Variants in LBH observed in about 807,000 individuals in gnomAD.
LBH encodes the protein protein LBH.
In LBH, 7 loss-of-function variants were observed where a neutral mutation model predicts 12.5. The ratio of observed to expected loss-of-function variants is 0.56; its 90% confidence interval spans 0.32 to 1.05. The LOEUF (loss-of-function observed/expected upper bound fraction) is 1.05, where lower values mean the gene tolerates loss of function less well. LBH is among the 50% of genes least tolerant of loss of function. LBH has a pLI of 0.04. For missense variants in LBH, 119 were observed against 138.9 expected (o/e 0.86, Z 0.72); for synonymous variants, 51 against 50.1 (o/e 1.02, Z -0.08).
At chr2:30,243,262 A>G (rs1274320782) in intron 2 of LBH, among the ~76,000 whole-genome samples, 1 of 152,232 alleles carries the variant, frequency 6.6e-6, no homozygotes, top group Non-Finnish European at 1.5e-5. Flanking sequence ...CCTAGTAGGT[A>G]CACTGACACC....
In LBH at chr2:30,259,716, G is replaced by T. The variant is rs569689135; in HGVS notation, c.*2095G>T. Reference sequence around the variant, plus strand: ...GTATGACCGTTTGCAGTCTGAGCAGGCCAGGGGCTGACAGCTAATGTCAGG... The same window carrying T: ...GTATGACCGTTTGCAGTCTGAGCAGTCCAGGGGCTGACAGCTAATGTCAGG... On this transcript the variant is annotated 3_prime_UTR_variant, in exon 3 of 3. Transcript: ENST00000395323. The T allele has an allele frequency of 6.5e-6, 1 of 152,700 alleles. No homozygotes were observed. Among genetic ancestry groups the T allele is most frequent in the South Asian group, 2.1e-4 (1 of 4,818 alleles). 9.5% of individuals were successfully genotyped at this position (152,700 alleles called of 1,614,324 possible).
At chr2:30,250,054 G>A (rs543445202) in intron 2 of LBH, among the ~76,000 whole-genome samples, 3 of 152,260 alleles carry the variant, frequency 2.0e-5, no homozygotes, top group Admixed American at 6.5e-5. Context: ...ATAAAATGAC[G>A]TGACCAGGGT....
intron 2 of LBH, among the ~76,000 whole-genome samples, chr2:30,238,219 G>A (rs751990048): frequency 2.3e-4 from 35 of 152,180 alleles, no homozygotes; most frequent in Non-Finnish European, 3.7e-4. Context: ...TCCACCCAAC[G>A]GCACTGGGAC....
chr2:30,245,565 C>G (rs1338950123), intron 2 of LBH, among the ~76,000 whole-genome samples: 1 of 152,134 alleles, frequency 6.6e-6, no homozygotes, highest in South Asian at 2.1e-4. Context: ...CATCGGGTTA[C>G]CTAGATATTC....
chr2:30,234,213 G>C (rs542345882), intron 1 of LBH, 192 bp from the exon 2 acceptor site: 1 of 575,788 alleles, frequency 1.7e-6, no homozygotes, highest in Non-Finnish European at 3.1e-6. Context: ...TGTCTGTTGC[G>C]GCTGAGCCCT....
chr2:30,252,674 AAC>A (rs1678004708), intron 2 of LBH, among the ~76,000 whole-genome samples: 1 of 152,194 alleles, frequency 6.6e-6, no homozygotes, highest in South Asian at 2.1e-4. Context: ...AAAAAAAAAA[AAC>A]CTCTTTCCTT....
intron 2 of LBH, among the ~76,000 whole-genome samples, chr2:30,235,877 G>A (rs1677679179): frequency 6.6e-6 from 1 of 152,106 alleles, no homozygotes; most frequent in South Asian, 2.1e-4. Context: ...GTAGCCATTA[G>A]CTTGAAGGGG....
In LBH at chr2:30,258,496, C is replaced by G. The variant is rs1678125492; in HGVS notation, c.*875C>G. On this transcript the variant is annotated 3_prime_UTR_variant, in exon 3 of 3. Coordinates refer to ENST00000395323, the MANE Select transcript of LBH (RefSeq NM_030915.4). ...GTGGACACTCAGCACGAAGGTCTCT[C>G]CCTTAACTGCTGCCCTTCCAAGACT... is the stretch of plus-strand genomic sequence containing the variant. The G allele has an allele frequency of 6.6e-6, 1 of 152,438 alleles. No homozygotes were observed. The allele number at this position is 152,438 out of a possible 1,614,324, so 9.4% of individuals were successfully genotyped here.
At chr2:30,250,609 G>A (rs947548986) in intron 2 of LBH, among the ~76,000 whole-genome samples, 1 of 151,756 alleles carries the variant, frequency 6.6e-6, no homozygotes, top group African/African-American at 2.4e-5. Flanking sequence ...GGGGCAGCCA[G>A]GTTTAGGTCA....
rs1471611577 is a variant in LBH, at chr2:30,231,766, T to A, written c.26+2T>A. 1 of 1,568,946 alleles carries A rather than the reference T, an allele frequency of 6.4e-7. No homozygotes were observed. Among genetic ancestry groups the A allele is most frequent in the Non-Finnish European group, 8.6e-7 (1 of 1,159,496 alleles). On this transcript the variant is annotated splice_donor_variant, in intron 1 of 2. Coordinates refer to ENST00000395323, the MANE Select transcript of LBH (RefSeq NM_030915.4). LOFTEE classifies it high-confidence loss of function. ...GTCTATATATTTCCCCATTCACTGG[T>A]GAGTACCCTGCGCCTGCGGCGGGCG...
At chr2:30,256,438 T>C (rs1678086746) in intron 2 of LBH, 2 of 152,222 alleles carry the variant, frequency 1.3e-5, no homozygotes, top group African/African-American at 4.8e-5. Flanking sequence ...GCTTTGACTT[T>C]ACAGTTGCAA....
intron 2 of LBH, among the ~76,000 whole-genome samples, chr2:30,244,632 T>C (rs1677843647): frequency 6.6e-6 from 1 of 152,188 alleles, no homozygotes; most frequent in Admixed American, 6.5e-5. Flanking sequence ...GCTGGACGCG[T>C]GGCTCACACC....
Position 30,231,547 on chromosome 2 carries a change from T to G in LBH, c.-192T>G. On this transcript the variant is annotated 5_prime_UTR_variant, in exon 1 of 3. Coordinates refer to ENST00000395323, the MANE Select transcript of LBH (RefSeq NM_030915.4). ...GCTCTTTGTGGGGCTGAGTGCTCAG[T>G]GGAGAGCGGGGAGTTGTGTCCACCT... 1 of 609,792 alleles carries G rather than the reference T, an allele frequency of 1.6e-6. No individual in the cohort carries two copies. The highest frequency in any genetic ancestry group is 3.0e-6 in the Non-Finnish European group (1 of 338,790). 37.8% of individuals were successfully genotyped at this position (609,792 alleles called of 1,614,324 possible).
intron 2 of LBH, among the ~76,000 whole-genome samples, chr2:30,246,725 T>A (rs1284968840): frequency 9.9e-6 from 1 of 100,804 alleles, no homozygotes; most frequent in African/African-American, 4.4e-5. Context: ...CACTAGTTTT[T>A]TTCCTCTTTC....
chr2:30,241,236 A>G (rs770474834), intron 2 of LBH, among the ~76,000 whole-genome samples: 70 of 152,112 alleles, frequency 4.6e-4, no homozygotes, highest in Non-Finnish European at 1.9e-4. Flanking sequence ...ATCCACTAAC[A>G]CACACACATT....
At chr2:30,231,992 C>T (rs1404292916) in intron 1 of LBH, among the ~76,000 whole-genome samples, 1 of 151,772 alleles carries the variant, frequency 6.6e-6, no homozygotes, top group Non-Finnish European at 1.5e-5. Flanking sequence ...GGAGCCCTCA[C>T]CTAAGTGACG....
intron 2 of LBH, among the ~76,000 whole-genome samples, chr2:30,243,218 C>T (rs556941974): frequency 6.6e-6 from 1 of 152,326 alleles, no homozygotes; most frequent in South Asian, 2.1e-4. Context: ...ATTTAGCCAG[C>T]ATTGCAAAAT....
chr2:30,252,926 G>A (rs1023213799), intron 2 of LBH, among the ~76,000 whole-genome samples: 1 of 152,216 alleles, frequency 6.6e-6, no homozygotes, highest in African/African-American at 2.4e-5. Context: ...GAGAGCTGCA[G>A]AGAGAAGGGA....
chr2:30,250,676 C>G (rs1044307288), intron 2 of LBH, among the ~76,000 whole-genome samples: 2 of 151,920 alleles, frequency 1.3e-5, no homozygotes, highest in African/African-American at 4.8e-5. Flanking sequence ...GCCTTTGAAG[C>G]CCTGGTGTTG....
Sources: allele counts gnomAD v4.1 joint callset (sites outside exome capture counted in the v4.1 genomes callset), GRCh38; gene constraint gnomAD v4.1.1; transcripts MANE v1.5; gene names NCBI Gene and HGNC (gene_info 2026-07-23, HGNC 2026-07-21).